Variants in TALDO1 observed in about 807,000 individuals in gnomAD.
TALDO1 encodes the protein transaldolase.
In TALDO1, 29 loss-of-function variants were observed where a neutral mutation model predicts 38.1. The ratio of observed to expected loss-of-function variants is 0.76; its 90% CI spans 0.57 to 1.04. The LOEUF is 1.04. Among genes scored for constraint, TALDO1 ranks in the 50% least tolerant of loss-of-function variants. The pLI is 0.00. For synonymous variants in TALDO1, 207 were observed against 176.8 expected (o/e 1.17, Z -1.36); for missense variants, 499 against 438.1 (o/e 1.14, Z -1.24).
chr11:755,330 G>A (rs34347523), intron 1 of TALDO1, among the ~76,000 whole-genome samples: 1 of 152,004 alleles, frequency 6.6e-6, no homozygotes, highest in Non-Finnish European at 1.5e-5. Flanking sequence ...ATTTTTAGTA[G>A]AGACGGGGTT....
chr11:750,412 C>G (rs1222123848), intron 1 of TALDO1, among the ~76,000 whole-genome samples: 1 of 151,882 alleles, frequency 6.6e-6, no homozygotes, highest in African/African-American at 2.4e-5. Context: ...CACTTAAGCC[C>G]AGGAGGTTGA....
chr11:755,189 T>G (rs1034086411), intron 1 of TALDO1, among the ~76,000 whole-genome samples: 3 of 123,022 alleles, frequency 2.4e-5, no homozygotes, highest in East Asian at 5.8e-4. Flanking sequence ...CTGTCACCCA[T>G]GCTGGAGTGC....
intron 1 of TALDO1, among the ~76,000 whole-genome samples, chr11:750,234 T>C (rs528938764): frequency 3.3e-5 from 5 of 152,140 alleles, no homozygotes; most frequent in Admixed American, 6.6e-5. Context: ...ACCTCTAACC[T>C]GTTCTCTACC....
At chr11:754,371 T>C (rs1862798243) in intron 1 of TALDO1, among the ~76,000 whole-genome samples, 2 of 152,194 alleles carry the variant, frequency 1.3e-5, no homozygotes, top group Non-Finnish European at 2.9e-5. Context: ...GAACAAAAAC[T>C]TGGGACATTG....
At chr11:748,286 T>G (rs1862692873) in intron 1 of TALDO1, among the ~76,000 whole-genome samples, 1 of 152,210 alleles carries the variant, frequency 6.6e-6, no homozygotes, top group East Asian at 1.9e-4. Flanking sequence ...CCCGGCCTGC[T>G]GGACAGCCAC....
rs1192794423 is a variant in TALDO1, at chr11:764,366, T to G, written c.914T>G (p.Val305Gly). ...TTGCACAACGAGGACCAGATGGCTG[T>G]GGAGAAGCTCTCTGACGGGATCCGC... is the stretch of plus-strand genomic sequence containing the variant. ...RWLHNEDQMA[V>G]EKLSDGIRKF... Residue 305 changes from valine to glycine, a missense_variant, in exon 7 of 8, where the codon GTG (valine) becomes GGG (glycine). By Grantham distance (109) the Val-to-Gly change is moderately radical. Transcript: ENST00000319006. 2 of 1,614,184 alleles carry G rather than the reference T, an allele frequency of 1.2e-6. No individual in the cohort carries two copies. Among genetic ancestry groups the G allele is most frequent in the Admixed American group, 3.3e-5 (2 of 60,022 alleles).
chr11:757,977 A>C (rs1862865972), intron 2 of TALDO1, among the ~76,000 whole-genome samples: 1 of 152,234 alleles, frequency 6.6e-6, no homozygotes, highest in African/African-American at 2.4e-5. Flanking sequence ...TCTCTACAAA[A>C]AAATATAAAA....
chr11:761,190 G>T (rs1186631612), intron 4 of TALDO1, among the ~76,000 whole-genome samples: 1 of 152,024 alleles, frequency 6.6e-6, no homozygotes, highest in Non-Finnish European at 1.5e-5. Context: ...AAAAAATTTA[G>T]CTGGGCGTGG....
intron 1 of TALDO1, among the ~76,000 whole-genome samples, chr11:748,794 C>T (rs1412796521): frequency 6.6e-6 from 1 of 152,216 alleles, no homozygotes; most frequent in African/African-American, 2.4e-5. Flanking sequence ...GTGAATCCCT[C>T]ACACACACAG....
At chr11:764,698 CCA>C (rs1863018587) in intron 7 of TALDO1, 113 bp from the exon 8 acceptor site, 2 of 1,547,446 alleles carry the variant, frequency 1.3e-6, no homozygotes, top group Non-Finnish European at 8.9e-7. Flanking sequence ...GCCGTGGCCC[CCA>C]CACAGAGTGC....
chr11:759,319 T>C (rs561629252), intron 3 of TALDO1, among the ~76,000 whole-genome samples: 1 of 152,186 alleles, frequency 6.6e-6, no homozygotes, highest in Non-Finnish European at 1.5e-5. Context: ...TGGAGTACAG[T>C]GGCGCAATCT....
chr11:764,169 G>A, intron 6 of TALDO1, 119 bp from the exon 7 acceptor site: 2 of 1,566,702 alleles, frequency 1.3e-6, no homozygotes, highest in East Asian at 2.2e-5. Flanking sequence ...AGCCTTGCTG[G>A]GGCCAAGGCC....
Position 763,928 on chromosome 11 carries a change from G to A in TALDO1, c.819G>A (p.Val273=), listed in dbSNP as rs189580497. 4 of 1,610,496 alleles carry A rather than the reference G, an allele frequency of 2.5e-6. No individual in the cohort carries two copies. In the African/African-American group the frequency reaches 5.3e-5, roughly 21 times the overall value. The change falls in exon 6 of 8, where the codon GTG becomes GTA. Residue 273 remains valine (V), a synonymous_variant. Transcript: ENST00000319006. ...AGGACAACGCCAAGCTGGTGCCTGT[G>A]CTCTCAGCCAAGGCGGGTGAGGCCC... ...LLQDNAKLVP[V]LSAKAAQASD...
At chr11:764,182 G>A in intron 6 of TALDO1, 106 bp from the exon 7 acceptor site, 1 of 1,593,032 alleles carries the variant, frequency 6.3e-7, no homozygotes, top group East Asian at 2.2e-5. Context: ...CCAAGGCCTG[G>A]CCCTGGTGGG....
At position 755,996 on chromosome 11, in the gene TALDO1, T is replaced by C. The variant is rs1255769566; in HGVS notation, c.215T>C (p.Leu72Pro). Residue 72 changes from leucine (L) to proline (P), a missense_variant, in exon 2 of 8, where the codon CTG (leucine) becomes CCG (proline). Leu to Pro is a moderately conservative substitution (Grantham distance 98, BLOSUM62 -3). Transcript: ENST00000319006. ...GAGGCGATTGCCTATGGCCGGAAGC[T>C]GGGCGGGTGAGTGCCTGGACTCGGG... ...VEEAIAYGRK[L>P]GGSQEDQIKN... The C allele has an allele frequency of 3.7e-6, 6 of 1,612,870 alleles. No individual in the cohort carries two copies. The Admixed American group carries it at 8.3e-5, about 22-fold the overall frequency.
At chr11:760,530 C>A in intron 4 of TALDO1, 1 of 446,586 alleles carries the variant, frequency 2.2e-6, no homozygotes, top group Non-Finnish European at 4.2e-6. Flanking sequence ...TTAGCACCTG[C>A]AGATTCAGAT....
Position 755,951 on chromosome 11 carries a change from C to T in TALDO1, c.170C>T (p.Ala57Val). ...SLILAAAQMP[A>V]YQELVEEAIA... ...ATCCTGGCCGCAGCACAGATGCCCGCTTACCAGGAGCTGGTGGAGGAGGCG... is the reference window on the plus strand; with the variant it reads ...ATCCTGGCCGCAGCACAGATGCCCGTTTACCAGGAGCTGGTGGAGGAGGCG... Residue 57 changes from alanine (A) to valine (V), a missense_variant, in exon 2 of 8, where the codon GCT (alanine) becomes GTT (valine). Transcript: ENST00000319006. 3 of 1,614,092 alleles carry T rather than the reference C, an allele frequency of 1.9e-6. No individual in the cohort carries two copies. Among genetic ancestry groups the T allele is most frequent in the Non-Finnish European group, 2.5e-6 (3 of 1,179,996 alleles).
In TALDO1 at chr11:760,518, A is replaced by C. The variant is rs531580402; in HGVS notation, c.461+265A>C. The stretch of plus-strand genomic sequence containing the variant: ...CACTCAGCAGAGAAGAAAAGCCACT[A>C]GTTAGCACCTGCAGATTCAGATTCT... On this transcript the variant is annotated intron_variant, in intron 4 of 7. Transcript: ENST00000319006. 302 of 475,644 alleles carry C rather than the reference A, an allele frequency of 6.3e-4. 1 individual carries two copies. Among genetic ancestry groups the C allele is most frequent in the South Asian group, 1.7e-3 (82 of 48,828 alleles). The allele number at this position is 475,644 out of a possible 1,614,324, so 29.5% of individuals were successfully genotyped here. A position where few individuals can be genotyped will look rare whatever the true frequency, so the allele number is the denominator to read the frequency against.
chr11:754,024 G>A (rs940653969), intron 1 of TALDO1, among the ~76,000 whole-genome samples: 1 of 151,390 alleles, frequency 6.6e-6, no homozygotes, highest in Non-Finnish European at 1.5e-5. Flanking sequence ...TTGCTCCATT[G>A]CCCAGGCTGT....
Sources: gnomAD v4.1 joint callset for allele counts (sites outside exome capture counted in the v4.1 genomes callset) on GRCh38, gnomAD v4.1.1 for gene constraint, MANE v1.5 for transcripts, NCBI Gene and HGNC (gene_info 2026-07-23, HGNC 2026-07-21) for gene names.